The following SORCS2 variants were observed in gnomAD, a reference collection of about 807,000 sequenced individuals.
SORCS2 encodes the protein sortilin related VPS10 domain containing receptor 2.
A neutral mutation model predicts 141.6 loss-of-function variants in SORCS2; 100 were observed. The observed-to-expected ratio is 0.71, with a 90% confidence interval of 0.60 to 0.83. The LOEUF is 0.83. Among genes scored for constraint, SORCS2 ranks in the 40% least tolerant of loss-of-function variants. The probability of loss-of-function intolerance (pLI) is 0.00; values close to 1 mark genes in which losing one functional copy is unlikely to be tolerated. For synonymous variants in SORCS2, 789 were observed against 676.9 expected (o/e 1.17, Z -2.57); for missense variants, 1,646 against 1,560.2 (o/e 1.05, Z -0.93).
rs577469981 is a variant in SORCS2, at chr4:7,317,320, G to A, written c.481-78968G>A. On this transcript the variant is annotated intron_variant, in intron 1 of 26. Transcript: ENST00000507866. ...AACCAAGACCCAAAAGATGAATAAG[G>A]AGCTGACAGGGCCTGGGCCTATGTG... Among the ~76,000 whole-genome samples the A allele has an allele frequency of 2.9e-3, 441 of 152,304 alleles. 2 individuals carry two copies. Among genetic ancestry groups the A allele is most frequent in the African/African-American group, 9.5e-3 (395 of 41,566 alleles).
At chr4:7,431,180 G>A (rs1389062036) in intron 2 of SORCS2, 5 of 152,484 alleles carry the variant, frequency 3.3e-5, no homozygotes, top group African/African-American at 9.7e-5. Flanking sequence ...AGTGAGCTCC[G>A]TTCATCACGG....
intron 1 of SORCS2, among the ~76,000 whole-genome samples, chr4:7,214,701 G>A (rs368224706): frequency 1.2e-4 from 18 of 152,322 alleles, no homozygotes; most frequent in African/African-American, 4.1e-4. Flanking sequence ...CTCACCCCTT[G>A]TAGAGACAGC....
chr4:7,636,442 C>T (rs67667114), intron 3 of SORCS2, among the ~76,000 whole-genome samples: 19,655 of 152,094 alleles, frequency 0.13, 1,516 homozygotes, highest in Non-Finnish European at 0.18. Flanking sequence ...AGGATCGGAG[C>T]GGGGGGTGCA....
At chr4:7,647,189 T>TG (rs112902713) in intron 4 of SORCS2, among the ~76,000 whole-genome samples, 2,922 of 152,200 alleles carry the variant, frequency 0.019, 88 homozygotes, top group African/African-American at 0.066. Context: ...TGATTGAGCT[T>TG]GGGGAACCGT....
chr4:7,665,146 C>G (rs960428334), intron 7 of SORCS2, among the ~76,000 whole-genome samples: 2 of 152,204 alleles, frequency 1.3e-5, no homozygotes, highest in African/African-American at 4.8e-5. Flanking sequence ...CCAAGGAAGC[C>G]CCTTGAGAGC....
chr4:7,539,921 AC>A (rs1406654829), intron 3 of SORCS2, among the ~76,000 whole-genome samples: 9 of 40,722 alleles, frequency 2.2e-4, no homozygotes, highest in Non-Finnish European at 1.0e-4. Flanking sequence ...TGGAGGCCCC[AC>A]CCCCTTCCTG....
At chr4:7,327,554 G>A (rs950228623) in intron 1 of SORCS2, among the ~76,000 whole-genome samples, 4 of 152,228 alleles carry the variant, frequency 2.6e-5, no homozygotes, top group Non-Finnish European at 5.9e-5. Context: ...CCTGACCAGA[G>A]TCCCTGCTGG....
At chr4:7,344,796 C>T (rs191632358) in intron 1 of SORCS2, among the ~76,000 whole-genome samples, 2 of 152,200 alleles carry the variant, frequency 1.3e-5, no homozygotes, top group Non-Finnish European at 2.9e-5. Flanking sequence ...TGCACCTCAC[C>T]CCTGATTCCC....
At chr4:7,737,419 C>T (rs906832053) in intron 26 of SORCS2, among the ~76,000 whole-genome samples, 1 of 152,106 alleles carries the variant, frequency 6.6e-6, no homozygotes, top group Non-Finnish European at 1.5e-5. Flanking sequence ...GGGCCCCATC[C>T]CTGGCAATGA....
chr4:7,547,787 C>T (rs1457463734), intron 3 of SORCS2, among the ~76,000 whole-genome samples: 1 of 152,258 alleles, frequency 6.6e-6, no homozygotes, highest in African/African-American at 2.4e-5. Flanking sequence ...CCTTACCCCA[C>T]AGATGCACCC....
At chr4:7,256,850 C>T (rs368906001) in intron 1 of SORCS2, among the ~76,000 whole-genome samples, 11 of 151,732 alleles carry the variant, frequency 7.2e-5, no homozygotes, top group Non-Finnish European at 1.5e-4. Context: ...CTGGCAGAGC[C>T]GGATAGGGCT....
Position 7,617,003 on chromosome 4 carries a change from C to A in SORCS2, c.649-21325C>A, listed in dbSNP as rs894415800. 9.2e-5 allele frequency among the ~76,000 whole-genome samples: 14 copies of A among 152,330 alleles called. 1 individual carries two copies. The highest frequency in any genetic ancestry group is 3.4e-4 in the African/African-American group (14 of 41,582). On this transcript the variant is annotated intron_variant, in intron 3 of 26. Transcript: ENST00000507866. The stretch of plus-strand genomic sequence containing the variant: ...GCTCCAGCAGGTGGACAATTGGTCA[C>A]TCTTCTCTCCACACCAAAGGTGAGG...
At chr4:7,496,857 A>G (rs879321556) in intron 2 of SORCS2, among the ~76,000 whole-genome samples, 7 of 152,138 alleles carry the variant, frequency 4.6e-5, no homozygotes, top group Non-Finnish European at 1.0e-4. Context: ...TCCGGGCACA[A>G]CTCAGCTTAT....
chr4:7,464,860 T>G (rs4423874), intron 2 of SORCS2, among the ~76,000 whole-genome samples: 83,641 of 152,124 alleles, frequency 0.55, 24,065 homozygotes, highest in African/African-American at 0.68. Context: ...AGATGGGGAA[T>G]GGGAGAGGTG....
Position 7,664,132 on chromosome 4 carries a change from C to T in SORCS2, c.953-221C>T, listed in dbSNP as rs1349624114. Among the ~76,000 whole-genome samples, 1 of 152,124 alleles carries T rather than the reference C, an allele frequency of 6.6e-6. No individual in the cohort carries two copies. Among genetic ancestry groups the T allele is most frequent in the Non-Finnish European group, 1.5e-5 (1 of 68,022 alleles). On this transcript the variant is annotated intron_variant, in intron 6 of 26. Transcript: ENST00000507866. This position sits in a 1 kb window ranked among gnomAD's most constrained non-coding sequence, Gnocchi z 4.7. ...GCAGGCTCCAGAGTAGCACGAACAC[C>T]TTCCTGAGGGTTGAAGGAGCTCGTG... is the stretch of plus-strand genomic sequence containing the variant.
chr4:7,636,048 T>C (rs931833959), intron 3 of SORCS2, among the ~76,000 whole-genome samples: 11 of 152,244 alleles, frequency 7.2e-5, no homozygotes, highest in African/African-American at 2.7e-4. Context: ...AAGGCCACCA[T>C]AGTCGCCTCG....
At chr4:7,372,451 C>A (rs960241286) in intron 1 of SORCS2, among the ~76,000 whole-genome samples, 7 of 152,020 alleles carry the variant, frequency 4.6e-5, no homozygotes, top group African/African-American at 7.3e-5. Flanking sequence ...GGATTACAGG[C>A]ACCTGCTACC....
intron 1 of SORCS2, among the ~76,000 whole-genome samples, chr4:7,234,960 T>A (rs1004201290): frequency 2.0e-5 from 3 of 152,162 alleles, no homozygotes; most frequent in Non-Finnish European, 1.5e-5. Flanking sequence ...CCTGAAGTCT[T>A]GTGGAGTGCG....
At chr4:7,649,611 T>C (rs1284589828) in intron 4 of SORCS2, among the ~76,000 whole-genome samples, 1 of 151,238 alleles carries the variant, frequency 6.6e-6, no homozygotes, top group Non-Finnish European at 1.5e-5. Context: ...AGCAGGAAGG[T>C]GAGGACAGGA....
Sources: allele counts gnomAD v4.1 joint callset (sites outside exome capture counted in the v4.1 genomes callset), GRCh38; gene constraint gnomAD v4.1.1; non-coding constraint Gnocchi (gnomAD v3.1); transcripts MANE v1.5; gene names NCBI Gene and HGNC (gene_info 2026-07-23, HGNC 2026-07-21).